The following TAF6 variants were observed in gnomAD, a reference collection of about 807,000 sequenced individuals.
TAF6 encodes the protein TATA-box binding protein associated factor 6, also known as transcription initiation factor TFIID subunit 6.
In TAF6, 50 loss-of-function variants were observed where a neutral mutation model predicts 73.5. That is an observed-to-expected ratio of 0.68 (90% CI 0.54 to 0.86). The LOEUF (loss-of-function observed/expected upper bound fraction) is 0.86. Among genes scored for constraint, TAF6 ranks in the 40% least tolerant of loss-of-function variants. The pLI, the probability that TAF6 is intolerant of heterozygous loss-of-function variation, is 0.00. For missense variants in TAF6, 768 were observed against 899.5 expected (o/e 0.85, Z 1.87); for synonymous variants, 424 against 376.7 (o/e 1.13, Z -1.45).
At chr7:100,125,814 C>T in the TAF6 span, among the ~76,000 whole-genome samples, 1 of 152,188 alleles carries the variant, frequency 6.6e-6, no homozygotes, top group African/African-American at 2.4e-5. Flanking sequence ...GAGGCCGAGG[C>T]AGGCGGATCA....
Position 100,113,940 on chromosome 7 carries a change from G to A in TAF6, c.171C>T (p.Phe57=). 1 of 1,614,020 alleles carries A rather than the reference G, an allele frequency of 6.2e-7. No homozygotes were observed. ...IKEIAQDALK[F]MHMGKRQKLT... is the part of the protein sequence containing the mutation. ...GCTTCTGCCGCTTCCCCATGTGCAT[G>A]AACTTCAAGGCATCCTGGGGTCGGT... The change falls in exon 3 of 15, where the codon TTC becomes TTT. Residue 57 remains phenylalanine (F), a synonymous_variant. Transcript: ENST00000453269.
chr7:100,108,316 A>C, intron 13 of TAF6, 51 bp downstream of exon 13: 1 of 1,550,666 alleles, frequency 6.4e-7, no homozygotes, highest in Non-Finnish European at 8.7e-7. Flanking sequence ...TGTCCCACAC[A>C]GGGGTTCTCC....
At chr7:100,111,409 G>A (rs1797171088) in intron 9 of TAF6, 88 bp from the exon 10 acceptor site, 8 of 1,457,528 alleles carry the variant, frequency 5.5e-6, no homozygotes, top group Non-Finnish European at 6.5e-6. Context: ...CTGGTGTGCA[G>A]GGACACAATC....
At chr7:100,114,494 CG>C in intron 1 of TAF6, 1 of 607,452 alleles carries the variant, frequency 1.6e-6, no homozygotes, top group African/African-American at 1.9e-5. Context: ...ACGAGGCGGG[CG>C]GATCACTTGA....
chr7:100,109,549 T>G (rs1362091991), intron 12 of TAF6, among the ~76,000 whole-genome samples: 1 of 151,670 alleles, frequency 6.6e-6, no homozygotes, highest in Non-Finnish European at 1.5e-5. Context: ...CAGGCTGGAG[T>G]GCAGTGGCAC....
rs936975526 is a variant in TAF6 at position 100,109,852 on chromosome 7, G to A, written c.1284+96C>T. On this transcript the variant is annotated intron_variant, in intron 12 of 14. Transcript: ENST00000453269. ...TCTGCAATGTCCTCTGAAAACATGAGGCAAAGATGGGAGTAAGTGAATAAA... is the reference window on the plus strand; with the variant it reads ...TCTGCAATGTCCTCTGAAAACATGAAGCAAAGATGGGAGTAAGTGAATAAA... 3.2e-6 allele frequency: 5 copies of A among 1,540,012 alleles called. No homozygotes were observed. In the African/African-American group the frequency reaches 4.1e-5, roughly 13 times the overall value.
At chr7:100,118,984 CA>C in intron 1 of TAF6, 1 of 985,440 alleles carries the variant, frequency 1.0e-6, no homozygotes, top group Middle Eastern at 5.2e-4. Flanking sequence ...AGTAAAGGCT[CA>C]TAAAACACGC....
In TAF6 at chr7:100,119,322, T is replaced by A. The variant is rs888302943; in HGVS notation, c.-178A>T. On this transcript the variant is annotated 5_prime_UTR_variant, in exon 1 of 15. Coordinates refer to ENST00000453269, the MANE Select transcript of TAF6 (RefSeq NM_139315.3). ...AAAACTCTAGCGGCAGCCGAGACGCTGCTCACCCGGCGCTCGGCGCCATCT... is the reference window on the plus strand; with the variant it reads ...AAAACTCTAGCGGCAGCCGAGACGCAGCTCACCCGGCGCTCGGCGCCATCT... The A allele has an allele frequency of 1.3e-5, 13 of 1,034,480 alleles. No individual in the cohort carries two copies. The African/African-American group carries it at 1.7e-4, about 14-fold the overall frequency. The allele number at this position is 1,034,480 out of a possible 1,614,324, so 64.1% of individuals were successfully genotyped here.
At chr7:100,110,459 G>A in intron 10 of TAF6, 185 bp from the exon 11 acceptor site, 1 of 534,756 alleles carries the variant, frequency 1.9e-6, no homozygotes. Flanking sequence ...CTGAGGTCAG[G>A]AGTTCCAGAC....
chr7:100,108,451 G>T lies in TAF6; in HGVS notation c.1374C>A (p.Leu458=), dbSNP rs775437003. The T allele has an allele frequency of 6.2e-7, 1 of 1,614,058 alleles. No individual in the cohort carries two copies. The highest frequency in any genetic ancestry group is 8.5e-7 in the Non-Finnish European group (1 of 1,179,938). ...GAGCCTTGACCACCTGGGAGCAGAG[G>T]AGGGGCCCAAGGGACCCGAATTCTG... is the stretch of plus-strand genomic sequence containing the variant. ...YRAEFGSLGP[L]LCSQVVKARA... The change falls in exon 13 of 15, where the codon CTC becomes CTA. Residue 458 remains leucine (L), a synonymous_variant. Coordinates refer to ENST00000453269, the MANE Select transcript of TAF6 (RefSeq NM_139315.3).
At chr7:100,115,221 G>A (rs2116833090) in intron 1 of TAF6, 1 of 152,296 alleles carries the variant, frequency 6.6e-6, no homozygotes, top group Admixed American at 6.5e-5. Context: ...TGAAGTTTTG[G>A]GCTCAAGCAA....
chr7:100,122,389 A>G (rs749931900), upstream of TAF6: 3 of 1,613,880 alleles, frequency 1.9e-6, no homozygotes, highest in Non-Finnish European at 2.5e-6. Context: ...GCGTTTCGTG[A>G]GTCCTTCGTG....
At chr7:100,126,909 G>C in the TAF6 span, 4 of 155,424 alleles carry the variant, frequency 2.6e-5, no homozygotes, top group South Asian at 3.6e-4. Flanking sequence ...CAGCCTCCTC[G>C]GGCACACGGT....
chr7:100,112,655 C>G, intron 6 of TAF6, 143 bp downstream of exon 6: 1 of 1,190,398 alleles, frequency 8.4e-7, no homozygotes, highest in Non-Finnish European at 1.1e-6. Context: ...GTGGAGGTTG[C>G]AGTGAGCTGA....
chr7:100,108,501 G>T lies in TAF6; in HGVS notation c.1324C>A (p.Pro442Thr). Residue 442 changes from proline to threonine, a missense_variant, in exon 13 of 15, where the codon CCT becomes ACT. Pro to Thr is a conservative substitution (Grantham distance 38). Around this residue, in one of 5 missense-constraint regions of TAF6, gnomAD observed 350 missense variants for 352.3 expected, o/e 0.99. Coordinates refer to ENST00000453269, the MANE Select transcript of TAF6 (RefSeq NM_139315.3). ...GCCCGATAGGCGTCCTGATTGTCAG[G>T]CGGTGGGCGCAGCTTTGCCAGAACA... ...APVLAKLRPP[P>T]DNQDAYRAEF... 1 of 1,613,420 alleles carries T rather than the reference G, an allele frequency of 6.2e-7. No individual in the cohort carries two copies. Among genetic ancestry groups the T allele is most frequent in the Non-Finnish European group, 8.5e-7 (1 of 1,179,476 alleles).
chr7:100,119,476 C>CT, upstream of TAF6: 1 of 1,346,526 alleles, frequency 7.4e-7, no homozygotes, highest in Non-Finnish European at 9.6e-7. Flanking sequence ...GTTTCTACAT[C>CT]TATATATAAG....
At chr7:100,116,932 A>G (rs1797718918) in intron 1 of TAF6, among the ~76,000 whole-genome samples, 1 of 152,036 alleles carries the variant, frequency 6.6e-6, no homozygotes, top group Non-Finnish European at 1.5e-5. Flanking sequence ...GGGGCAGCCC[A>G]CTTTTTCTTT....
chr7:100,108,362 C>T lies in TAF6; in HGVS notation c.1458+5G>A, dbSNP rs1170443369. 1.9e-6 allele frequency: 3 copies of T among 1,593,256 alleles called. No homozygotes were observed. Among genetic ancestry groups the T allele is most frequent in the Non-Finnish European group, 2.6e-6 (3 of 1,166,268 alleles). ...CCTATTCCTCCTCCCCACCCGGCCA[C>T]GGACCTGCGTGATGGTCAGAGTGGT... On this transcript the variant is annotated splice_donor_5th_base_variant and intron_variant, in intron 13 of 14. Transcript: ENST00000453269.
chr7:100,119,757 C>T, upstream of TAF6: 1 of 1,614,084 alleles, frequency 6.2e-7, no homozygotes, highest in Non-Finnish European at 8.5e-7. Flanking sequence ...GGGACCTGTG[C>T]GGTTGGGAAT....
Sources: gnomAD v4.1 joint callset for allele counts (sites outside exome capture counted in the v4.1 genomes callset) on GRCh38, gnomAD v4.1.1 for gene constraint, gnomAD v4.1.1 regional missense constraint, MANE v1.5 for transcripts, NCBI Gene and HGNC (gene_info 2026-07-23, HGNC 2026-07-21) for gene names.